FAM9A: variants seen among roughly 807,000 people sequenced by gnomAD.
The protein encoded by FAM9A is family with sequence similarity 9 member A.
FAM9A carries 49 observed loss-of-function variants against 25.0 expected under a neutral mutation model. That is an observed-to-expected ratio of 1.96 (90% CI 1.56 to 2.48). The LOEUF (loss-of-function observed/expected upper bound fraction) is 2.48. Ranked by LOEUF, FAM9A falls within the 30% of genes most tolerant of loss-of-function variation. The pLI is 0.00. For synonymous variants in FAM9A, 80 were observed against 85.1 expected, an observed-to-expected ratio of 0.94 and a Z score of 0.33; for missense variants, 266 against 249.3, an observed-to-expected ratio of 1.07 and a Z score of -0.45.
At chrX:8,797,069 A>T (rs1384742158) in intron 5 of FAM9A, among the ~76,000 whole-genome samples, 2 of 112,347 alleles carry the variant, frequency 1.8e-5, no homozygotes, top group Non-Finnish European at 3.8e-5. Flanking sequence ...ATCTACCATC[A>T]ATTGCTAAAA....
At chrX:8,791,443 T>G in intron 8 of FAM9A, 64 bp from the exon 9 acceptor site, 29 of 827,279 alleles carry the variant, frequency 3.5e-5, no homozygotes, top group Non-Finnish European at 4.2e-5. Flanking sequence ...TAAACAGGGT[T>G]AATCAGATGT....
chrX:8,792,709 G>T (rs947335235), intron 8 of FAM9A, among the ~76,000 whole-genome samples: 3 of 111,866 alleles, frequency 2.7e-5, no homozygotes, highest in African/African-American at 9.8e-5. Flanking sequence ...TTCTCAAGTT[G>T]CTTGAAAATT....
intron 8 of FAM9A, among the ~76,000 whole-genome samples, chrX:8,793,380 G>A (rs1373647081): frequency 8.9e-6 from 1 of 111,945 alleles, no homozygotes; most frequent in Non-Finnish European, 1.9e-5. Context: ...GCATAAATGT[G>A]TCAATGCGTT....
chrX:8,797,744 T>G (rs1933549581), intron 5 of FAM9A, among the ~76,000 whole-genome samples: 1 of 110,788 alleles, frequency 9.0e-6, no homozygotes, highest in African/African-American at 3.3e-5. Flanking sequence ...TGACACGCAA[T>G]TATCTATATA....
chrX:8,792,336 G>T (rs760241497), intron 8 of FAM9A, among the ~76,000 whole-genome samples: 115 of 111,056 alleles, frequency 1.0e-3, no homozygotes, highest in African/African-American at 3.4e-3. Flanking sequence ...TAATATTGCC[G>T]ATCAATGAAG....
At chrX:8,798,032 T>C (rs1256493201) in intron 5 of FAM9A, 118 bp downstream of exon 5, 3 of 651,524 alleles carry the variant, frequency 4.6e-6, no homozygotes, top group African/African-American at 2.2e-5. Context: ...TTAAATGCTA[T>C]ATATGAGAAG....
intron 5 of FAM9A, 29 bp from the exon 6 acceptor site, chrX:8,796,411 G>A (rs1933534507): frequency 2.0e-6 from 2 of 1,005,125 alleles, no homozygotes; most frequent in Non-Finnish European, 2.8e-6. Flanking sequence ...TGCATTAAAA[G>A]TTAATGTTGA....
intron 8 of FAM9A, 23 bp from the exon 9 acceptor site, chrX:8,791,402 C>G: frequency 3.5e-6 from 4 of 1,140,320 alleles, no homozygotes; most frequent in South Asian, 2.0e-5. Context: ...GTCTAGTTCA[C>G]TGACAAACCA....
At chrX:8,794,612 T>A (rs904280791) in intron 7 of FAM9A, among the ~76,000 whole-genome samples, 7 of 111,310 alleles carry the variant, frequency 6.3e-5, no homozygotes, top group African/African-American at 2.3e-4. Context: ...CCACTGTAGG[T>A]CACTCACTTC....
chrX:8,798,081 A>G, intron 5 of FAM9A, 69 bp downstream of exon 5: 1 of 1,053,208 alleles, frequency 9.5e-7, no homozygotes, highest in Non-Finnish European at 1.3e-6. Flanking sequence ...ACTAATTCAT[A>G]TAACCTACTA....
In FAM9A at chrX:8,796,389, A is replaced by G. The variant is rs1933534198; in HGVS notation, c.374-7T>C. On this transcript the variant is annotated splice_polypyrimidine_tract_variant and splice_region_variant and intron_variant, in intron 5 of 9. Transcript: ENST00000381003. ...AGGCCCTTTTTAATGTCAGCTAGAT[A>G]GTAAATGAAAATGCATTAAAAGTTA... 1 of 1,114,113 alleles carries G rather than the reference A, an allele frequency of 9.0e-7. No individual in the cohort carries two copies. Among genetic ancestry groups the G allele is most frequent in the Non-Finnish European group, 1.2e-6 (1 of 818,946 alleles). 91.8% of individuals were successfully genotyped at this position (1,114,113 alleles called of 1,213,427 possible).
intron 7 of FAM9A, among the ~76,000 whole-genome samples, chrX:8,794,785 CCTT>C (rs779404613): frequency 7.1e-5 from 8 of 112,272 alleles, no homozygotes; most frequent in African/African-American, 2.6e-4. Context: ...GCCCAACTCT[CCTT>C]CTATCAACGT....
rs372062687 is a variant in FAM9A at position 8,798,130 on chromosome X, G to A, written c.373+20C>T. The A allele has an allele frequency of 7.0e-5, 83 of 1,192,245 alleles. No individual in the cohort carries two copies. Among genetic ancestry groups the A allele is most frequent in the East Asian group, 8.9e-5 (3 of 33,520 alleles). ...GTTGAAAATAATTTTCAAAGACTAC[G>A]AATAGCTCCTAAAACATACCTGCAA... On this transcript the variant is annotated intron_variant, in intron 5 of 9. Coordinates refer to ENST00000381003, the MANE Select transcript of FAM9A (RefSeq NM_174951.3).
chrX:8,799,505 C>A (rs1933575140), intron 2 of FAM9A, among the ~76,000 whole-genome samples: 1 of 109,489 alleles, frequency 9.1e-6, no homozygotes, highest in African/African-American at 3.3e-5. Context: ...CCTCGTGACC[C>A]CAGGTGTCCT....
chrX:8,791,263 A>T lies in FAM9A; in HGVS notation c.*31+17T>A. The T allele has an allele frequency of 9.4e-7, 1 of 1,058,712 alleles. No individual in the cohort carries two copies. Among genetic ancestry groups the T allele is most frequent in the Non-Finnish European group, 1.3e-6 (1 of 778,402 alleles). The allele number at this position is 1,058,712 out of a possible 1,213,427, so 87.2% of individuals were successfully genotyped here. ...ACATCAATCCTGAGTTTTTAAACTT[A>T]AATATGCACTACTTACAGTTCTGAC... On this transcript the variant is annotated intron_variant, in intron 9 of 9. Coordinates refer to ENST00000381003, the MANE Select transcript of FAM9A (RefSeq NM_174951.3).
chrX:8,798,442 G>A lies in FAM9A; in HGVS notation c.258C>T (p.Asn86=). 2.5e-6 allele frequency: 3 copies of A among 1,211,619 alleles called. No homozygotes were observed. Among genetic ancestry groups the A allele is most frequent in the Admixed American group, 2.2e-5 (1 of 46,016 alleles). The change falls in exon 4 of 10, where the codon AAC becomes AAT. Residue 86 remains asparagine (N), a synonymous_variant. Transcript: ENST00000381003. ...DPVRDECEER[N]PFTETREEDV... is the part of the protein sequence containing the mutation. Reference sequence around the variant, plus strand: ...CTTCCTCCCTTGTTTCTGTAAAAGGGTTTCTTTCCTCACATTCATCACGGA... The same window carrying A: ...CTTCCTCCCTTGTTTCTGTAAAAGGATTTCTTTCCTCACATTCATCACGGA...
intron 2 of FAM9A, among the ~76,000 whole-genome samples, chrX:8,799,496 C>T: frequency 9.1e-6 from 1 of 109,940 alleles, no homozygotes; most frequent in Non-Finnish European, 1.9e-5. Context: ...CAGGTGACCC[C>T]TCGTGACCCC....
At position 8,790,943 on chromosome X, in the gene FAM9A, C is replaced by T. The variant is rs1054772509; in HGVS notation, c.*261G>A. On this transcript the variant is annotated 3_prime_UTR_variant, in exon 10 of 10. Coordinates refer to ENST00000381003, the MANE Select transcript of FAM9A (RefSeq NM_174951.3). ...CATAACTGTGCAATCCCTGCCTTCT[C>T]ACAGAAGTGTCTAGGATTCATTCAA... The T allele has an allele frequency of 3.6e-5, 5 of 140,380 alleles. No individual in the cohort carries two copies. Among genetic ancestry groups the T allele is most frequent in the African/African-American group, 1.6e-4 (5 of 31,845 alleles). The allele number at this position is 140,380 out of a possible 1,213,427, so 11.6% of individuals were successfully genotyped here.
At chrX:8,793,171 A>G (rs977809458) in intron 8 of FAM9A, among the ~76,000 whole-genome samples, 2 of 112,292 alleles carry the variant, frequency 1.8e-5, no homozygotes, top group Non-Finnish European at 3.8e-5. Context: ...ACATCCAGAA[A>G]GGATTTATGG....
Sources: gnomAD v4.1 joint callset for allele counts (sites outside exome capture counted in the v4.1 genomes callset) on GRCh38, gnomAD v4.1.1 for gene constraint, MANE v1.5 for transcripts, NCBI Gene and HGNC (gene_info 2026-07-23, HGNC 2026-07-21) for gene names.